The following ZBTB7C variants were observed in gnomAD, a reference collection of about 807,000 sequenced individuals.
ZBTB7C encodes the protein zinc finger and BTB domain-containing protein 7C.
ZBTB7C carries 8 observed loss-of-function variants against 25.7 expected under a neutral mutation model. That is an observed-to-expected ratio of 0.31 (90% CI 0.18 to 0.56). The LOEUF (loss-of-function observed/expected upper bound fraction) is 0.56, where lower values mean the gene tolerates loss of function less well. Ranked by LOEUF, ZBTB7C falls within the 20% of genes least tolerant of loss-of-function variation. ZBTB7C has a pLI of 0.91. For synonymous variants in ZBTB7C, 394 were observed against 369.0 expected (o/e 1.07, Z -0.78); for missense variants, 824 against 855.2 (o/e 0.96, Z 0.46).
At chr18:48,297,327 G>A (rs2045423557) in intron 2 of ZBTB7C, among the ~76,000 whole-genome samples, 1 of 152,180 alleles carries the variant, frequency 6.6e-6, no homozygotes. Flanking sequence ...TTAGTAGTAT[G>A]CTGTGTTTGC....
At chr18:48,090,137 C>A (rs546245244) in intron 3 of ZBTB7C, among the ~76,000 whole-genome samples, 1 of 152,350 alleles carries the variant, frequency 6.6e-6, no homozygotes, top group Admixed American at 6.5e-5. Flanking sequence ...CCAGAGACAG[C>A]ATGTGGTTTT....
chr18:48,375,389 G>A (rs2047495706), intron 1 of ZBTB7C: 2 of 152,322 alleles, frequency 1.3e-5, no homozygotes. Context: ...GGAAAGCTGG[G>A]TGGGTCTCTC....
chr18:48,060,053 C>G (rs988845124), intron 3 of ZBTB7C, among the ~76,000 whole-genome samples: 6 of 152,136 alleles, frequency 3.9e-5, no homozygotes, highest in African/African-American at 1.2e-4. Context: ...AGAGGCAGCT[C>G]TACCATTTTT....
intron 3 of ZBTB7C, among the ~76,000 whole-genome samples, chr18:48,157,164 G>A (rs948369309): frequency 1.8e-4 from 27 of 152,238 alleles, no homozygotes; most frequent in Admixed American, 5.9e-4. Context: ...CTATAACCTG[G>A]GGGTACTCTC....
intron 2 of ZBTB7C, among the ~76,000 whole-genome samples, chr18:48,306,623 T>C (rs1190730646): frequency 6.6e-6 from 1 of 152,168 alleles, no homozygotes; most frequent in Non-Finnish European, 1.5e-5. Context: ...TAGCTGTCAA[T>C]CATCTGTCCA....
chr18:48,194,638 G>A (rs542463886), intron 2 of ZBTB7C, among the ~76,000 whole-genome samples: 8 of 152,132 alleles, frequency 5.3e-5, no homozygotes, highest in African/African-American at 1.7e-4. Context: ...TCTTAGCAAC[G>A]CTGCAGAGGC....
At chr18:48,243,695 A>G (rs1255219668) in intron 2 of ZBTB7C, among the ~76,000 whole-genome samples, 2 of 152,240 alleles carry the variant, frequency 1.3e-5, no homozygotes, top group Admixed American at 6.5e-5. Context: ...ATATGGAACT[A>G]AAAAAGAGCT....
At chr18:48,316,404 T>C (rs963575771) in intron 2 of ZBTB7C, among the ~76,000 whole-genome samples, 1 of 152,178 alleles carries the variant, frequency 6.6e-6, no homozygotes, top group Non-Finnish European at 1.5e-5. Context: ...GCTGTGATGG[T>C]AGCAGGAAGG....
chr18:48,156,693 C>A (rs1330207330), intron 3 of ZBTB7C, among the ~76,000 whole-genome samples: 1 of 152,204 alleles, frequency 6.6e-6, no homozygotes, highest in African/African-American at 2.4e-5. Context: ...TTCCTGCACT[C>A]AAATTCTGTC....
At chr18:48,201,663 C>A (rs1318594448) in intron 2 of ZBTB7C, among the ~76,000 whole-genome samples, 3 of 152,206 alleles carry the variant, frequency 2.0e-5, no homozygotes, top group Non-Finnish European at 4.4e-5. Flanking sequence ...ACCCCAGGTG[C>A]CTCTTGCTTT....
intron 1 of ZBTB7C, among the ~76,000 whole-genome samples, chr18:48,398,466 C>CT (rs2048079431): frequency 6.6e-6 from 1 of 152,148 alleles, no homozygotes; most frequent in South Asian, 2.1e-4. Context: ...TCAGGAAAGC[C>CT]TAAGCTCCCA....
intron 2 of ZBTB7C, among the ~76,000 whole-genome samples, chr18:48,310,946 G>A (rs2045803789): frequency 6.6e-6 from 1 of 152,232 alleles, no homozygotes; most frequent in African/African-American, 2.4e-5. Flanking sequence ...CTATGTGACA[G>A]ATGTGTGCAC....
At chr18:48,277,940 GT>G (rs1437380091) in intron 2 of ZBTB7C, among the ~76,000 whole-genome samples, 1 of 152,068 alleles carries the variant, frequency 6.6e-6, no homozygotes, top group African/African-American at 2.4e-5. Flanking sequence ...TGGGAGTAGG[GT>G]GAGGTAAAGA....
intron 3 of ZBTB7C, chr18:48,137,373 C>A (rs1337954900): frequency 1.0e-6 from 1 of 975,414 alleles, no homozygotes; most frequent in African/African-American, 1.8e-5. Context: ...TTTCTTTTCC[C>A]CTCTTTTCTT....
intron 2 of ZBTB7C, among the ~76,000 whole-genome samples, chr18:48,208,582 A>G (rs749559411): frequency 7.9e-5 from 12 of 152,058 alleles, no homozygotes; most frequent in Non-Finnish European, 1.6e-4. Context: ...CATATCGTTT[A>G]ACTCCTGCAG....
chr18:48,074,399 T>C (rs1300081831), intron 3 of ZBTB7C, among the ~76,000 whole-genome samples: 4 of 152,200 alleles, frequency 2.6e-5, no homozygotes, highest in African/African-American at 9.7e-5. Flanking sequence ...ACACAGCCCC[T>C]TGCACATGAG....
chr18:48,029,214 G>T lies in ZBTB7C; in HGVS notation c.*46C>A. On this transcript the variant is annotated 3_prime_UTR_variant, in exon 5 of 5. Coordinates refer to ENST00000590800, the MANE Select transcript of ZBTB7C (RefSeq NM_001318841.2). ...GGGGTAGGGTAGAGTGGGCCTGGAGGGAGAAGGACTGGAGGGCTGGTGGGC... is the reference window on the plus strand; with the variant it reads ...GGGGTAGGGTAGAGTGGGCCTGGAGTGAGAAGGACTGGAGGGCTGGTGGGC... 1 of 1,503,714 alleles carries T rather than the reference G, an allele frequency of 6.7e-7. No homozygotes were observed. The highest frequency in any genetic ancestry group is 8.8e-7 in the Non-Finnish European group (1 of 1,138,014). The allele number at this position is 1,503,714 out of a possible 1,614,324, so 93.1% of individuals were successfully genotyped here.
intron 3 of ZBTB7C, among the ~76,000 whole-genome samples, chr18:48,145,744 G>A (rs746494421): frequency 3.3e-5 from 5 of 152,094 alleles, no homozygotes; most frequent in Non-Finnish European, 4.4e-5. Flanking sequence ...ATTTGTGTCC[G>A]TCTATATGTT....
chr18:48,199,941 G>A (rs755642310), intron 2 of ZBTB7C, among the ~76,000 whole-genome samples: 36 of 152,190 alleles, frequency 2.4e-4, no homozygotes, highest in Non-Finnish European at 4.9e-4. Context: ...ACGCTGAGTG[G>A]TGACACTTCT....
Sources: allele counts gnomAD v4.1 joint callset (sites outside exome capture counted in the v4.1 genomes callset), GRCh38; gene constraint gnomAD v4.1.1; transcripts MANE v1.5; gene names NCBI Gene and HGNC (gene_info 2026-07-23, HGNC 2026-07-21).